The following ISL1 variants were observed in gnomAD, a reference collection of about 807,000 sequenced individuals.
ISL1 encodes insulin gene enhancer protein ISL-1.
In ISL1, 4 loss-of-function variants were observed where a neutral mutation model predicts 35.3. That is an observed-to-expected ratio of 0.11 (90% confidence interval 0.06 to 0.26). The LOEUF is 0.26. Ranked by LOEUF, ISL1 falls within the 10% of genes least tolerant of loss-of-function variation. The pLI, the probability that ISL1 is intolerant of heterozygous loss-of-function variation, is 1.00. For missense variants in ISL1, 340 were observed against 472.8 expected, an observed-to-expected ratio of 0.72 and a Z score of 2.60; for synonymous variants, 186 against 172.3, an observed-to-expected ratio of 1.08 and a Z score of -0.62.
rs1471125564 is a variant in ISL1 at position 51,387,970 on chromosome 5, T to G, written c.478+221T>G. Reference sequence around the variant, plus strand: ...CCCGAGCACACCTACACCGTCTGTGTGTCTCTATATGGTTACACATAAATG... The same window carrying G: ...CCCGAGCACACCTACACCGTCTGTGGGTCTCTATATGGTTACACATAAATG... On this transcript the variant is annotated intron_variant, in intron 3 of 5. Coordinates refer to ENST00000230658, the MANE Select transcript of ISL1 (RefSeq NM_002202.3). The surrounding 1 kb of genome is among the most constrained non-coding windows in gnomAD (Gnocchi z 4.3). 1.3e-5 allele frequency among the ~76,000 whole-genome samples: 2 copies of G among 152,252 alleles called. No homozygotes were observed. The highest frequency in any genetic ancestry group is 2.4e-5 in the African/African-American group (1 of 41,464).
At position 51,383,782 on chromosome 5, in the gene ISL1, G is replaced by A; in HGVS notation, c.28+83G>A. 4 of 1,235,100 alleles carry A rather than the reference G, an allele frequency of 3.2e-6. No homozygotes were observed. The South Asian group carries it at 4.8e-5, about 15-fold the overall frequency. The allele number at this position is 1,235,100 out of a possible 1,614,324, so 76.5% of individuals were successfully genotyped here. A position where few individuals can be genotyped will look rare whatever the true frequency, so the allele number is the denominator to read the frequency against. The stretch of plus-strand genomic sequence containing the variant: ...CTCAGGCACAGGCTGAGGTGCCAAG[G>A]GCTCTTTGGAGTTGGAGTCATTGCC... On this transcript the variant is annotated intron_variant, in intron 1 of 5. Transcript: ENST00000230658.
Position 51,387,545 on chromosome 5 carries a change from G to A in ISL1, c.274G>A (p.Val92Met), listed in dbSNP as rs1747377526. ...CSIGFSKNDFVMRARSKVYHI... is the reference protein window; with the variant it reads ...CSIGFSKNDFMMRARSKVYHI... ...CATCGGCTTCAGCAAGAACGACTTCGTGATGCGTGCCCGCTCCAAGGTGTA... is the reference window on the plus strand; with the variant it reads ...CATCGGCTTCAGCAAGAACGACTTCATGATGCGTGCCCGCTCCAAGGTGTA... The change falls in exon 3 of 6, where the codon GTG becomes ATG. Residue 92 changes from valine (V) to methionine (M), a missense_variant. By Grantham distance (21) the Val-to-Met change is conservative. Coordinates refer to ENST00000230658, the MANE Select transcript of ISL1 (RefSeq NM_002202.3). The surrounding 1 kb of genome is among the most constrained non-coding windows in gnomAD (Gnocchi z 4.3). 5 of 1,614,106 alleles carry A rather than the reference G, an allele frequency of 3.1e-6. No homozygotes were observed. The highest frequency in any genetic ancestry group is 1.7e-5 in the Admixed American group (1 of 60,010).
Position 51,389,518 on chromosome 5 carries a change from A to G in ISL1, c.479-128A>G, listed in dbSNP as rs2111847038. The G allele has an allele frequency of 1.3e-6, 1 of 777,608 alleles. No homozygotes were observed. Among genetic ancestry groups the G allele is most frequent in the South Asian group, 2.6e-5 (1 of 38,892 alleles). 48.2% of individuals were successfully genotyped at this position (777,608 alleles called of 1,614,324 possible). ...GCAAACCCTAGCCATTGTCCTGAGT[A>G]TCTCGGGCGGGCGAGCAAGTAAGCG... On this transcript the variant is annotated intron_variant, in intron 3 of 5. Transcript: ENST00000230658. This position sits in a 1 kb window ranked among gnomAD's most constrained non-coding sequence, Gnocchi z 5.0.
In ISL1 at chr5:51,389,313, A is replaced by G. The variant is rs1474597889; in HGVS notation, c.479-333A>G. Among the ~76,000 whole-genome samples, 4 of 152,112 alleles carry G rather than the reference A, an allele frequency of 2.6e-5. No homozygotes were observed. The highest frequency in any genetic ancestry group is 4.4e-5 in the Non-Finnish European group (3 of 68,024). On this transcript the variant is annotated intron_variant, in intron 3 of 5. Transcript: ENST00000230658. This position sits in a 1 kb window ranked among gnomAD's most constrained non-coding sequence, Gnocchi z 5.0. ...TGCCACCCCTGCTGTGAACAGGGGGACAGACTTTGAGACCTGCTTCCCTTG... is the reference window on the plus strand; with the variant it reads ...TGCCACCCCTGCTGTGAACAGGGGGGCAGACTTTGAGACCTGCTTCCCTTG...
chr5:51,393,766 T>G lies in ISL1; in HGVS notation c.*156T>G. On this transcript the variant is annotated 3_prime_UTR_variant, in exon 6 of 6. Coordinates refer to ENST00000230658, the MANE Select transcript of ISL1 (RefSeq NM_002202.3). ...CACGAAGTCTGTTTTAATGACAAGG[T>G]GATATGGTAGCAACACTGTGAAGAC... 2 of 683,996 alleles carry G rather than the reference T, an allele frequency of 2.9e-6. No individual in the cohort carries two copies. The highest frequency in any genetic ancestry group is 3.2e-5 in the South Asian group (2 of 62,210). The allele number at this position is 683,996 out of a possible 1,614,324, so 42.4% of individuals were successfully genotyped here. A position where few individuals can be genotyped will look rare whatever the true frequency, so the allele number is the denominator to read the frequency against.
rs1183916583 is a variant in ISL1 at position 51,387,342 on chromosome 5, T to A, written c.219-148T>A. 1.2e-6 allele frequency: 1 copy of A among 823,654 alleles called. No individual in the cohort carries two copies. The highest frequency in any genetic ancestry group is 2.0e-6 in the Non-Finnish European group (1 of 500,368). 51.0% of individuals were successfully genotyped at this position (823,654 alleles called of 1,614,324 possible). A position where few individuals can be genotyped will look rare whatever the true frequency, so the allele number is the denominator to read the frequency against. On this transcript the variant is annotated intron_variant, in intron 2 of 5. Coordinates refer to ENST00000230658, the MANE Select transcript of ISL1 (RefSeq NM_002202.3). The surrounding 1 kb of genome is among the most constrained non-coding windows in gnomAD (Gnocchi z 4.3). ...GAGCAGGGTTTCATTTCTGTCCTTC[T>A]GTTTCCAACTTCTGTTTGGAAATGC... is the stretch of plus-strand genomic sequence containing the variant.
At position 51,383,462 on chromosome 5, in the gene ISL1, C is replaced by G. The variant is rs1328313567; in HGVS notation, c.-210C>G. ...CGAGCCGCGCCGAGTCTGCCGCCGC[C>G]GCAGCGCCTCCGCTCCGCCAACTCC... On this transcript the variant is annotated 5_prime_UTR_variant, in exon 1 of 6. Transcript: ENST00000230658. The G allele has an allele frequency of 3.2e-6, 2 of 619,150 alleles. No homozygotes were observed. Among genetic ancestry groups the G allele is most frequent in the Middle Eastern group, 4.3e-4 (1 of 2,332 alleles). The allele number at this position is 619,150 out of a possible 1,614,324, so 38.4% of individuals were successfully genotyped here.
intron 3 of ISL1, among the ~76,000 whole-genome samples, chr5:51,388,513 T>C (rs1320034919): frequency 6.6e-6 from 1 of 152,180 alleles, no homozygotes; most frequent in African/African-American, 2.4e-5. Flanking sequence ...GCAGGATTTG[T>C]ATCATGTAGA....
In ISL1 at chr5:51,393,566, C is replaced by A. The variant is rs1747566780; in HGVS notation, c.1006C>A (p.Pro336Thr). 1 of 1,613,174 alleles carries A rather than the reference C, an allele frequency of 6.2e-7. No individual in the cohort carries two copies. The highest frequency in any genetic ancestry group is 1.1e-5 in the South Asian group (1 of 91,060). The change falls in exon 6 of 6, where the codon CCA (proline) becomes ACA (threonine). Residue 336 changes from proline (P) to threonine (T), a missense_variant. Around this residue, in one of 7 missense-constraint regions of ISL1, gnomAD observed 104 missense variants for 97.3 expected, o/e 1.07. Coordinates refer to ENST00000230658, the MANE Select transcript of ISL1 (RefSeq NM_002202.3). ...SEVASMSSQL[P>T]DTPNSMVASP... ...AGTAGCATCAATGTCCTCTCAACTT[C>A]CAGATACACCTAACAGCATGGTAGC...
chr5:51,390,642 C>CTTTCTTTTTTTTTTTTTTTTTTTT (rs1747483445), intron 4 of ISL1, among the ~76,000 whole-genome samples: 1 of 40,204 alleles, frequency 2.5e-5, no homozygotes, highest in African/African-American at 1.0e-4. Flanking sequence ...CTTTCTTTTT[C>CTTTCTTTTTTTTTTTTTTTTTTTT]TTTTTTTTTT....
chr5:51,387,361 GAA>G lies in ISL1; in HGVS notation c.219-127_219-126del. 1 of 955,562 alleles carries G rather than the reference GAA, an allele frequency of 1.0e-6. No homozygotes were observed. Among genetic ancestry groups the G allele is most frequent in the Non-Finnish European group, 1.6e-6 (1 of 612,272 alleles). The allele number at this position is 955,562 out of a possible 1,614,324, so 59.2% of individuals were successfully genotyped here. A position where few individuals can be genotyped will look rare whatever the true frequency, so the allele number is the denominator to read the frequency against. ...TCCTTCTGTTTCCAACTTCTGTTTG[GAA>G]ATGCTGTTTACTTGGGGCGTCTTGC... On this transcript the variant is annotated intron_variant, in intron 2 of 5. Transcript: ENST00000230658. This position sits in a 1 kb window ranked among gnomAD's most constrained non-coding sequence, Gnocchi z 4.3.
Position 51,389,665 on chromosome 5 carries a change from G to C in ISL1, c.498G>C (p.Arg166Ser), listed in dbSNP as rs746856844. Residue 166 changes from arginine (R) to serine (S), a missense_variant, in exon 4 of 6, where the codon AGG (arginine) becomes AGC (serine). Arg to Ser is a moderately radical substitution (Grantham distance 110, BLOSUM62 -1). Coordinates refer to ENST00000230658, the MANE Select transcript of ISL1 (RefSeq NM_002202.3). This position sits in a 1 kb window ranked among gnomAD's most constrained non-coding sequence, Gnocchi z 5.0. ...LQMAAEPISA[R>S]QPALRPHVHK... ...CCGCAGCGGAGCCCATCTCCGCCAG[G>C]CAGCCAGCCCTGCGGCCCCACGTCC... The C allele has an allele frequency of 1.9e-5, 30 of 1,610,572 alleles. No homozygotes were observed. The highest frequency in any genetic ancestry group is 4.2e-4 in the Middle Eastern group (2 of 4,750).
At chr5:51,383,803 T>C in intron 1 of ISL1, 104 bp downstream of exon 1, 1 of 985,210 alleles carries the variant, frequency 1.0e-6, no homozygotes, top group Non-Finnish European at 1.6e-6. Context: ...GTTGGAGTCA[T>C]TGCCTGGAGA....
intron 2 of ISL1, chr5:51,386,730 G>C (rs1345476586): frequency 2.4e-6 from 1 of 418,326 alleles, no homozygotes; most frequent in Admixed American, 3.0e-5. Flanking sequence ...AGATGATTCA[G>C]CAACTTGAAA....
Position 51,384,646 on chromosome 5 carries a change from G to A in ISL1, c.134G>A (p.Cys45Tyr). 1 of 1,614,168 alleles carries A rather than the reference G, an allele frequency of 6.2e-7. No individual in the cohort carries two copies. The highest frequency in any genetic ancestry group is 8.5e-7 in the Non-Finnish European group (1 of 1,180,018). Residue 45 changes from cysteine (C) to tyrosine (Y), a missense_variant, in exon 2 of 6, where the codon TGT becomes TAT. This residue lies in a region of ISL1 where 70 missense variants were observed against 130.3 expected (regional missense o/e 0.54). Transcript: ENST00000230658. ...GAATGGCATGCGGCATGTTTGAAAT[G>A]TGCGGAGTGTAATCAGTATTTGGAC... ...DLEWHAACLK[C>Y]AECNQYLDES...
In ISL1 at chr5:51,387,469, G is replaced by C. The variant is rs746145654; in HGVS notation, c.219-21G>C. 12 of 1,613,174 alleles carry C rather than the reference G, an allele frequency of 7.4e-6. No individual in the cohort carries two copies. The highest frequency in any genetic ancestry group is 3.4e-6 in the Non-Finnish European group (4 of 1,179,684). On this transcript the variant is annotated intron_variant, in intron 2 of 5. Coordinates refer to ENST00000230658, the MANE Select transcript of ISL1 (RefSeq NM_002202.3). This position sits in a 1 kb window ranked among gnomAD's most constrained non-coding sequence, Gnocchi z 4.3. ...TCTCTCCCCGCTCTGGGCCGCCTCC[G>C]CTCCCCCCTCCCCCGCACAGGTTGT...
chr5:51,384,091 C>T (rs1478340901), intron 1 of ISL1, among the ~76,000 whole-genome samples: 1 of 152,194 alleles, frequency 6.6e-6, no homozygotes, highest in Non-Finnish European at 1.5e-5. Context: ...TTTATGCCTG[C>T]TCTTGCTAAC....
chr5:51,385,244 C>T (rs1427509339), intron 2 of ISL1, among the ~76,000 whole-genome samples: 1 of 152,146 alleles, frequency 6.6e-6, no homozygotes, highest in African/African-American at 2.4e-5. Flanking sequence ...AGGTATTGCT[C>T]CTTTTATTTT....
chr5:51,384,483 G>A, intron 1 of ISL1, 58 bp from the exon 2 acceptor site: 1 of 1,476,584 alleles, frequency 6.8e-7, no homozygotes, highest in Non-Finnish European at 9.5e-7. Flanking sequence ...CACTAAAAGT[G>A]TGTTTATCTC....
Sources: allele counts gnomAD v4.1 joint callset (sites outside exome capture counted in the v4.1 genomes callset), GRCh38; gene constraint gnomAD v4.1.1; regional missense constraint gnomAD v4.1.1; non-coding constraint Gnocchi (gnomAD v3.1); transcripts MANE v1.5; gene names NCBI Gene and HGNC (gene_info 2026-07-23, HGNC 2026-07-21).